KAZN: variants seen among roughly 807,000 people sequenced by gnomAD.
KAZN encodes the protein kazrin, periplakin interacting protein.
In KAZN, 40 loss-of-function variants were observed where a neutral mutation model predicts 87.4. The observed-to-expected ratio is 0.46, with a 90% CI of 0.36 to 0.60. The LOEUF (loss-of-function observed/expected upper bound fraction) is 0.60. Among genes scored for constraint, KAZN ranks in the 20% least tolerant of loss-of-function variants. The pLI is 0.00. For missense variants in KAZN, 898 were observed against 1,073.9 expected, an observed-to-expected ratio of 0.84 and a Z score of 2.29; for synonymous variants, 466 against 458.3, an observed-to-expected ratio of 1.02 and a Z score of -0.22.
intron 2 of KAZN, among the ~76,000 whole-genome samples, chr1:14,343,251 G>A (rs959590286): frequency 2.0e-5 from 3 of 152,136 alleles, no homozygotes; most frequent in African/African-American, 7.2e-5. Flanking sequence ...CGTCAATTTG[G>A]GAGAGCATTG....
At chr1:14,380,931 C>G (rs1661312989) in intron 2 of KAZN, among the ~76,000 whole-genome samples, 1 of 152,138 alleles carries the variant, frequency 6.6e-6, no homozygotes, top group African/African-American at 2.4e-5. Context: ...ATTTAATAAT[C>G]AAACTTTCAA....
intron 1 of KAZN, among the ~76,000 whole-genome samples, chr1:14,750,258 T>C (rs1336531217): frequency 1.3e-5 from 2 of 151,814 alleles, no homozygotes; most frequent in Non-Finnish European, 2.9e-5. Flanking sequence ...ACAGTATTCA[T>C]GGGTGCGGCC....
At chr1:14,126,364 GT>G (rs1356949253) in intron 1 of KAZN, among the ~76,000 whole-genome samples, 2 of 8,148 alleles carry the variant, frequency 2.5e-4, no homozygotes, top group African/African-American at 8.9e-4. Context: ...CCCCCCCCCC[GT>G]CAAGATGCTT....
At chr1:14,400,272 A>C (rs950431897) in intron 2 of KAZN, among the ~76,000 whole-genome samples, 1 of 152,204 alleles carries the variant, frequency 6.6e-6, no homozygotes, top group East Asian at 1.9e-4. Flanking sequence ...ATGTGAGAAC[A>C]ACCTGGCCAG....
chr1:14,730,886 C>T (rs938760381), intron 1 of KAZN, among the ~76,000 whole-genome samples: 1 of 152,070 alleles, frequency 6.6e-6, no homozygotes, highest in African/African-American at 2.4e-5. Context: ...AGATGGTGGC[C>T]CTCCCTCTTG....
At chr1:14,891,046 G>T (rs1481155073) in intron 1 of KAZN, among the ~76,000 whole-genome samples, 1 of 151,054 alleles carries the variant, frequency 6.6e-6, no homozygotes, top group South Asian at 2.1e-4. Context: ...GAGTTTCACC[G>T]TGTTAGCCAG....
At chr1:14,367,778 G>A (rs1571414473) in intron 2 of KAZN, among the ~76,000 whole-genome samples, 1 of 152,200 alleles carries the variant, frequency 6.6e-6, no homozygotes, top group South Asian at 2.1e-4. Flanking sequence ...CAGGAGGCAA[G>A]CAGGGGAGTC....
At chr1:14,967,913 A>G (rs1664632516) in intron 2 of KAZN, among the ~76,000 whole-genome samples, 1 of 152,122 alleles carries the variant, frequency 6.6e-6, no homozygotes, top group South Asian at 2.1e-4. Flanking sequence ...AATTTGTATT[A>G]TGTTAGGCCA....
intron 2 of KAZN, among the ~76,000 whole-genome samples, chr1:14,581,543 T>A (rs567604145): frequency 6.6e-6 from 1 of 152,332 alleles, no homozygotes; most frequent in South Asian, 2.1e-4. Flanking sequence ...TGCCAAAGCA[T>A]AAATCATCTC....
At chr1:14,234,644 G>C (rs1019764507) in intron 2 of KAZN, among the ~76,000 whole-genome samples, 1 of 152,130 alleles carries the variant, frequency 6.6e-6, no homozygotes, top group African/African-American at 2.4e-5. Flanking sequence ...CAAGGTGTGG[G>C]GGTGGTGGAG....
intron 1 of KAZN, among the ~76,000 whole-genome samples, chr1:14,789,839 T>C (rs538641474): frequency 6.7e-6 from 1 of 149,814 alleles, no homozygotes; most frequent in African/African-American, 2.5e-5. Context: ...GTTAATATGT[T>C]TGCTGAATTA....
At chr1:14,318,183 A>T (rs1255609388) in intron 2 of KAZN, among the ~76,000 whole-genome samples, 1 of 152,060 alleles carries the variant, frequency 6.6e-6, no homozygotes, top group African/African-American at 2.4e-5. Context: ...AGTGTTCTTT[A>T]TTCATTGATA....
chr1:14,331,321 G>A (rs1164016735), intron 2 of KAZN, among the ~76,000 whole-genome samples: 5 of 152,102 alleles, frequency 3.3e-5, no homozygotes, highest in East Asian at 1.9e-4. Context: ...ATCAGCTCCC[G>A]TCTTATATAT....
intron 1 of KAZN, among the ~76,000 whole-genome samples, chr1:14,008,424 G>C (rs1012275817): frequency 2.0e-5 from 3 of 152,132 alleles, no homozygotes; most frequent in African/African-American, 7.2e-5. Context: ...ATATTGAAAG[G>C]GGACTTCCCT....
chr1:14,035,645 T>TC (rs34329928), intron 1 of KAZN, among the ~76,000 whole-genome samples: 2 of 10,534 alleles, frequency 1.9e-4, no homozygotes, highest in Non-Finnish European at 3.0e-4. Flanking sequence ...AATTTTTGTA[T>TC]TTTTTTTTTT....
At chr1:14,028,610 G>A (rs973310800) in intron 1 of KAZN, among the ~76,000 whole-genome samples, 1 of 152,204 alleles carries the variant, frequency 6.6e-6, no homozygotes, top group South Asian at 2.1e-4. Context: ...GATCAATACA[G>A]GTTTATCATT....
intron 1 of KAZN, among the ~76,000 whole-genome samples, chr1:14,639,659 T>C (rs1485905205): frequency 6.6e-6 from 1 of 152,168 alleles, no homozygotes; most frequent in Admixed American, 6.5e-5. Context: ...AGCAATTTTT[T>C]TTTTTACCAT....
At chr1:14,565,248 C>A (rs1571945498) in intron 2 of KAZN, among the ~76,000 whole-genome samples, 1 of 152,160 alleles carries the variant, frequency 6.6e-6, no homozygotes, top group Non-Finnish European at 1.5e-5. Flanking sequence ...CAGACCACAG[C>A]AATAACATGA....
chr1:14,896,077 A>G (rs1255941937), intron 1 of KAZN, among the ~76,000 whole-genome samples: 2 of 130,124 alleles, frequency 1.5e-5, no homozygotes, highest in African/African-American at 6.2e-5. Flanking sequence ...TTTTTTGGAC[A>G]CAGATTCTTG....
Sources: gnomAD v4.1 joint callset for allele counts (sites outside exome capture counted in the v4.1 genomes callset) on GRCh38, gnomAD v4.1.1 for gene constraint, MANE v1.5 for transcripts, NCBI Gene and HGNC (gene_info 2026-07-23, HGNC 2026-07-21) for gene names.